Variants in BUB3 observed in about 807,000 individuals in gnomAD.
BUB3 encodes the protein mitotic checkpoint protein BUB3.
A neutral mutation model predicts 39.9 loss-of-function variants in BUB3; 22 were observed. The ratio of observed to expected loss-of-function variants is 0.55; its 90% CI spans 0.39 to 0.79. The LOEUF is 0.79. BUB3 is among the 30% of genes least tolerant of loss of function. The probability of loss-of-function intolerance (pLI) is 0.00; values close to 1 mark genes in which losing one functional copy is unlikely to be tolerated. For missense variants in BUB3, 303 were observed against 415.4 expected (o/e 0.73, Z 2.35); for synonymous variants, 168 against 155.1 (o/e 1.08, Z -0.62).
intron 4 of BUB3, 72 bp downstream of exon 4, chr10:123,157,952 C>G (rs1844370660): frequency 1.4e-6 from 2 of 1,411,978 alleles, no homozygotes; most frequent in Non-Finnish European, 1.9e-6. Flanking sequence ...TGATTGTTGA[C>G]TATGCTTGTT....
At chr10:123,161,371 C>CT (rs1007093586) in intron 5 of BUB3, among the ~76,000 whole-genome samples, 18 of 150,894 alleles carry the variant, frequency 1.2e-4, no homozygotes, top group South Asian at 2.1e-4. Flanking sequence ...ATCACAGTTC[C>CT]TTTTTTTTTA....
intron 1 of BUB3, 77 bp from the exon 2 acceptor site, chr10:123,154,841 G>T: frequency 6.7e-7 from 1 of 1,487,290 alleles, no homozygotes; most frequent in Non-Finnish European, 9.1e-7. Context: ...CCCTCTGGGG[G>T]GACCCCCAGT....
At chr10:123,161,342 G>T (rs1438238634) in intron 5 of BUB3, among the ~76,000 whole-genome samples, 1 of 152,184 alleles carries the variant, frequency 6.6e-6, no homozygotes, top group African/African-American at 2.4e-5. Context: ...ACCTGCAAAG[G>T]CCAGTACCTC....
chr10:123,162,153 A>T, intron 5 of BUB3, 83 bp from the exon 6 acceptor site: 1 of 1,198,468 alleles, frequency 8.3e-7, no homozygotes, highest in Non-Finnish European at 1.2e-6. Flanking sequence ...ATCACTCTTT[A>T]GTGTGGGTTG....
Position 123,167,353 on chromosome 10 carries a change from T to G in BUB3, c.*3518T>G, listed in dbSNP as rs927969716. 1 of 152,210 alleles carries G rather than the reference T, an allele frequency of 6.6e-6. No homozygotes were observed. The highest frequency in any genetic ancestry group is 2.4e-5 in the African/African-American group (1 of 41,456). 9.4% of individuals were successfully genotyped at this position (152,210 alleles called of 1,614,324 possible). The stretch of plus-strand genomic sequence containing the variant: ...AAGGCCCCCTTTTCCATGAAGCCCT[T>G]CTTCCTTGTTGCAGCTCACAAATAA... On this transcript the variant is annotated 3_prime_UTR_variant, in exon 8 of 8. Transcript: ENST00000368865.
intron 5 of BUB3, among the ~76,000 whole-genome samples, chr10:123,161,684 G>A (rs1051341423): frequency 5.9e-5 from 9 of 152,172 alleles, no homozygotes; most frequent in East Asian, 3.9e-4. Flanking sequence ...TCATTTCAAC[G>A]AAAGATGAAA....
chr10:123,166,363 C>T lies in BUB3; in HGVS notation c.*2528C>T, dbSNP rs376987467. 1.3e-5 allele frequency: 2 copies of T among 152,164 alleles called. No homozygotes were observed. Among genetic ancestry groups the T allele is most frequent in the East Asian group, 1.9e-4 (1 of 5,200 alleles). 9.4% of individuals were successfully genotyped at this position (152,164 alleles called of 1,614,324 possible). Reference sequence around the variant, plus strand: ...CAAGTAAGAAATACATTTTGAACTACAGTTCAGAACACAGAGGTCAGTATA... The same window carrying T: ...CAAGTAAGAAATACATTTTGAACTATAGTTCAGAACACAGAGGTCAGTATA... On this transcript the variant is annotated 3_prime_UTR_variant, in exon 8 of 8. Coordinates refer to ENST00000368865, the MANE Select transcript of BUB3 (RefSeq NM_004725.4).
chr10:123,164,157 G>A lies in BUB3; in HGVS notation c.*322G>A. 1.9e-6 allele frequency: 2 copies of A among 1,048,952 alleles called. No homozygotes were observed. The highest frequency in any genetic ancestry group is 2.3e-6 in the Non-Finnish European group (2 of 872,616). 65.0% of individuals were successfully genotyped at this position (1,048,952 alleles called of 1,614,324 possible). On this transcript the variant is annotated 3_prime_UTR_variant, in exon 8 of 8. Coordinates refer to ENST00000368865, the MANE Select transcript of BUB3 (RefSeq NM_004725.4). ...TGGAAATAAATGTTTGTAAATAAGT[G>A]TAATAAAAATCCCTTTGCATTCTTT...
intron 7 of BUB3, 181 bp downstream of exon 7, chr10:123,163,009 A>T: frequency 1.6e-6 from 1 of 609,866 alleles, no homozygotes; most frequent in Non-Finnish European, 2.8e-6. Flanking sequence ...TAGACGTCTG[A>T]TGGATAAAAT....
In BUB3 at chr10:123,165,485, C is replaced by G. The variant is rs577807573; in HGVS notation, c.*1650C>G. ...CATTTTACCTTTAAGTCCACTCTCC[C>G]TCGTTTAATTGTCTCCTCTGATGTG... On this transcript the variant is annotated 3_prime_UTR_variant, in exon 8 of 8. Transcript: ENST00000368865. The G allele has an allele frequency of 3.8e-5, 6 of 158,570 alleles. 1 individual carries two copies. The South Asian group carries it at 1.1e-3, about 30-fold the overall frequency. The allele number at this position is 158,570 out of a possible 1,614,324, so 9.8% of individuals were successfully genotyped here.
chr10:123,154,804 C>T, intron 1 of BUB3, 114 bp from the exon 2 acceptor site: 2 of 1,147,598 alleles, frequency 1.7e-6, no homozygotes, highest in African/African-American at 1.6e-5. Context: ...AGCGCAGAGT[C>T]TCCTCGCGGT....
In BUB3 at chr10:123,156,753, G is replaced by GTTTTTTT. The variant is rs756642442; in HGVS notation, c.266-971_266-965dup. The stretch of plus-strand genomic sequence containing the variant: ...ATGAAATCCTTTCTTTTTCTTTCTT[G>GTTTTTTT]TTTTTTTTTTTGAGCTAGAGTCTCA... On this transcript the variant is annotated intron_variant, in intron 3 of 7. Transcript: ENST00000368865. 6.0e-4 allele frequency among the ~76,000 whole-genome samples: 81 copies of GTTTTTTT among 135,114 alleles called. 2 individuals carry two copies. The highest frequency in any genetic ancestry group is 1.8e-3 in the African/African-American group (64 of 35,706). The allele number at this position is 135,114 out of a possible 152,430, so 88.6% of individuals were successfully genotyped here.
chr10:123,160,696 G>A (rs1406062010), intron 5 of BUB3, 131 bp downstream of exon 5: 5 of 864,684 alleles, frequency 5.8e-6, no homozygotes, highest in Non-Finnish European at 8.1e-6. Context: ...GCTGTTAGGT[G>A]TATTCTTCCT....
chr10:123,155,092 G>A lies in BUB3; in HGVS notation c.175G>A (p.Val59Ile), dbSNP rs373237379. 4.2e-5 allele frequency: 68 copies of A among 1,613,794 alleles called. No homozygotes were observed. The African/African-American group carries it at 8.7e-4, about 21-fold the overall frequency. ...GCTCAAGTACCAGCACACCGGCGCC[G>A]TCCTGGACTGCGCCTTCTACGTAGG... is the stretch of plus-strand genomic sequence containing the variant. The part of the protein sequence containing the change: ...MRLKYQHTGA[V>I]LDCAFYDPTH... Residue 59 changes from valine (V) to isoleucine (I), a missense_variant, in exon 2 of 8, where the codon GTC (valine) becomes ATC (isoleucine). By Grantham distance (29) the Val-to-Ile change is conservative. This residue lies in a region of BUB3 where 121 missense variants were observed against 122.3 expected (regional missense o/e 0.99). Coordinates refer to ENST00000368865, the MANE Select transcript of BUB3 (RefSeq NM_004725.4).
At chr10:123,160,333 G>C in intron 4 of BUB3, 74 bp from the exon 5 acceptor site, 2 of 1,358,292 alleles carry the variant, frequency 1.5e-6, no homozygotes, top group South Asian at 3.4e-5. Context: ...TGATCAGATG[G>C]ACTTTATTTT....
chr10:123,164,825 A>G lies in BUB3; in HGVS notation c.*990A>G, dbSNP rs1269713905. 2.2e-5 allele frequency: 29 copies of G among 1,341,914 alleles called. No homozygotes were observed. The highest frequency in any genetic ancestry group is 2.7e-5 in the Non-Finnish European group (28 of 1,048,578). The allele number at this position is 1,341,914 out of a possible 1,614,324, so 83.1% of individuals were successfully genotyped here. A position where few individuals can be genotyped will look rare whatever the true frequency, so the allele number is the denominator to read the frequency against. On this transcript the variant is annotated 3_prime_UTR_variant, in exon 8 of 8. Coordinates refer to ENST00000368865, the MANE Select transcript of BUB3 (RefSeq NM_004725.4). ...GAACTTAGCTTGGCCTATTCTAGGTAGTTCCAAATAGTATTTTTGTTGTCA... is the reference window on the plus strand; with the variant it reads ...GAACTTAGCTTGGCCTATTCTAGGTGGTTCCAAATAGTATTTTTGTTGTCA...
chr10:123,163,797 C>CT, intron 7 of BUB3, 23 bp from the exon 8 acceptor site: 1 of 1,596,936 alleles, frequency 6.3e-7, no homozygotes, highest in South Asian at 1.1e-5. Context: ...TCATGCTGTT[C>CT]TTTTTTTCTT....
In BUB3 at chr10:123,161,683, C is replaced by T. The variant is rs75636088; in HGVS notation, c.577-553C>T. On this transcript the variant is annotated intron_variant, in intron 5 of 7. Coordinates refer to ENST00000368865, the MANE Select transcript of BUB3 (RefSeq NM_004725.4). ...ATTTTTTAAGATACTGTCATTTCAA[C>T]GAAAGATGAAAAAACGTTTAAAATT... 8.0e-4 allele frequency among the ~76,000 whole-genome samples: 121 copies of T among 152,116 alleles called. 1 individual carries two copies. Among genetic ancestry groups the T allele is most frequent in the African/African-American group, 2.6e-3 (107 of 41,504 alleles).
rs1564781213 is a variant in BUB3 at position 123,155,050 on chromosome 10, C to T, written c.133C>T (p.Pro45Ser). The T allele has an allele frequency of 6.2e-7, 1 of 1,614,166 alleles. No homozygotes were observed. Residue 45 changes from proline (P) to serine (S), a missense_variant, in exon 2 of 8, where the codon CCG (proline) becomes TCG (serine). By Grantham distance (74) the Pro-to-Ser change is moderately conservative. This residue lies in a region of BUB3 where 121 missense variants were observed against 122.3 expected (regional missense o/e 0.99). Coordinates refer to ENST00000368865, the MANE Select transcript of BUB3 (RefSeq NM_004725.4). ...CACGTCCGTGCGTCTCTACGATGTG[C>T]CGGCCAACTCCATGCGGCTCAAGTA... The part of the protein sequence containing the change: ...WDTSVRLYDV[P>S]ANSMRLKYQH...
Sources: allele counts gnomAD v4.1 joint callset (sites outside exome capture counted in the v4.1 genomes callset), GRCh38; gene constraint gnomAD v4.1.1; regional missense constraint gnomAD v4.1.1; transcripts MANE v1.5; gene names NCBI Gene and HGNC (gene_info 2026-07-23, HGNC 2026-07-21).